Variants in VAPB observed in about 807,000 individuals in gnomAD.
The protein encoded by VAPB is VAMP associated protein B and C.
A neutral mutation model predicts 25.6 loss-of-function variants in VAPB; 7 were observed. That is an observed-to-expected ratio of 0.27 (90% CI 0.16 to 0.51). The LOEUF is 0.51. Among genes scored for constraint, VAPB ranks in the 20% least tolerant of loss-of-function variants. VAPB has a pLI of 0.97. For missense variants in VAPB, 266 were observed against 301.3 expected (o/e 0.88, Z 0.87); for synonymous variants, 112 against 109.2 (o/e 1.03, Z -0.16).
At chr20:58,402,190 C>G (rs563886091) in intron 1 of VAPB, among the ~76,000 whole-genome samples, 1 of 152,194 alleles carries the variant, frequency 6.6e-6, no homozygotes, top group African/African-American at 2.4e-5. Context: ...TGCACTCCCC[C>G]CACATTGCCC....
intron 4 of VAPB, chr20:58,439,321 G>A: frequency 2.5e-6 from 1 of 399,766 alleles, no homozygotes; most frequent in South Asian, 2.6e-5. Flanking sequence ...ATAGGTTGCT[G>A]TTAAACAGTG....
At chr20:58,436,546 C>T (rs1989050810) in intron 3 of VAPB, among the ~76,000 whole-genome samples, 1 of 152,004 alleles carries the variant, frequency 6.6e-6, no homozygotes, top group African/African-American at 2.4e-5. Context: ...AAGCTGGTCT[C>T]AAACTCCTGG....
At chr20:58,438,602 G>A (rs1324734166) in intron 3 of VAPB, among the ~76,000 whole-genome samples, 1 of 152,186 alleles carries the variant, frequency 6.6e-6, no homozygotes, top group African/African-American at 2.4e-5. Context: ...ATTTTCATAA[G>A]GAGAGCCAAG....
At position 58,444,438 on chromosome 20, in the gene VAPB, T is replaced by TTGAGGGGGAAAC. The variant is rs757786465; in HGVS notation, c.*203_*204insTGAGGGGGAAAC. The TTGAGGGGGAAAC allele has an allele frequency of 0.058, 43,236 of 749,422 alleles. 1,603 individuals carry two copies. The highest frequency in any genetic ancestry group is 0.074 in the Non-Finnish European group (32,157 of 432,962). The allele number at this position is 749,422 out of a possible 1,614,324, so 46.4% of individuals were successfully genotyped here. On this transcript the variant is annotated 3_prime_UTR_variant, in exon 6 of 6. Transcript: ENST00000475243. ...ACGATCTTTTAGAAAGTTAAAAATG[T>TTGAGGGGGAAAC]ATAGTAACTGATTGAGGGGGAAAAG...
intron 2 of VAPB, among the ~76,000 whole-genome samples, chr20:58,419,007 A>G (rs1030841857): frequency 6.6e-6 from 1 of 152,198 alleles, no homozygotes; most frequent in African/African-American, 2.4e-5. Flanking sequence ...TGGATTTCAG[A>G]ATTAAGGAGA....
intron 2 of VAPB, among the ~76,000 whole-genome samples, chr20:58,421,508 C>T (rs1988669062): frequency 6.6e-6 from 1 of 152,164 alleles, no homozygotes; most frequent in Admixed American, 6.5e-5. Context: ...CAGGTATAAT[C>T]TTTAAAAAGG....
chr20:58,448,021 T>C lies in VAPB; in HGVS notation c.*3786T>C. 2.2e-6 allele frequency: 1 copy of C among 454,030 alleles called. No homozygotes were observed. Among genetic ancestry groups the C allele is most frequent in the Non-Finnish European group, 4.4e-6 (1 of 226,780 alleles). The allele number at this position is 454,030 out of a possible 1,614,324, so 28.1% of individuals were successfully genotyped here. A position where few individuals can be genotyped will look rare whatever the true frequency, so the allele number is the denominator to read the frequency against. ...TCTCGTGGCTTTCCCTGCCCCCGGC[T>C]GTCTGGCCTGAAGAAGGAGAAAGAA... is the stretch of plus-strand genomic sequence containing the variant. On this transcript the variant is annotated 3_prime_UTR_variant, in exon 6 of 6. Transcript: ENST00000475243.
intron 2 of VAPB, 54 bp downstream of exon 2, chr20:58,418,417 T>G: frequency 1.3e-6 from 2 of 1,591,518 alleles, no homozygotes; most frequent in Non-Finnish European, 8.6e-7. Flanking sequence ...CCCTGGACAG[T>G]AGGTTTTCTT....
chr20:58,439,209 AC>A, intron 4 of VAPB, 184 bp downstream of exon 4: 1 of 611,542 alleles, frequency 1.6e-6, no homozygotes, highest in Non-Finnish European at 2.9e-6. Flanking sequence ...TGAAAAACTC[AC>A]GGAAAGACAA....
At position 58,448,535 on chromosome 20, in the gene VAPB, A is replaced by C; in HGVS notation, c.*4300A>C. ...AGGCTCCAGGAGGTTAAATCGGGCA[A>C]CTTTTTAGAACTAAATCAGTCTCTG... On this transcript the variant is annotated 3_prime_UTR_variant, in exon 6 of 6. Transcript: ENST00000475243. The C allele has an allele frequency of 2.2e-6, 1 of 454,074 alleles. No individual in the cohort carries two copies. The highest frequency in any genetic ancestry group is 4.4e-6 in the Non-Finnish European group (1 of 226,774). 28.1% of individuals were successfully genotyped at this position (454,074 alleles called of 1,614,324 possible). A position where few individuals can be genotyped will look rare whatever the true frequency, so the allele number is the denominator to read the frequency against.
At chr20:58,410,850 C>T (rs184565782) in intron 1 of VAPB, among the ~76,000 whole-genome samples, 3 of 152,284 alleles carry the variant, frequency 2.0e-5, no homozygotes, top group Middle Eastern at 3.4e-3. Flanking sequence ...AAGGCTCCTC[C>T]GTGTCTTTTC....
chr20:58,432,161 G>A (rs1988941418), intron 2 of VAPB, among the ~76,000 whole-genome samples: 1 of 152,138 alleles, frequency 6.6e-6, no homozygotes, highest in Non-Finnish European at 1.5e-5. Flanking sequence ...CTGCCTCTAG[G>A]AAGGTGATGA....
chr20:58,400,550 A>T (rs2123027320), intron 1 of VAPB, among the ~76,000 whole-genome samples: 1 of 152,098 alleles, frequency 6.6e-6, no homozygotes, highest in South Asian at 2.1e-4. Context: ...TTTATTCTTT[A>T]TGTGCTTCAT....
intron 2 of VAPB, among the ~76,000 whole-genome samples, chr20:58,424,344 C>T (rs1988738396): frequency 6.6e-6 from 1 of 151,964 alleles, no homozygotes; most frequent in African/African-American, 2.4e-5. Context: ...ACGTTGAAAG[C>T]GGCCCATGTG....
At chr20:58,442,351 C>A (rs554953753) in intron 5 of VAPB, among the ~76,000 whole-genome samples, 1 of 152,330 alleles carries the variant, frequency 6.6e-6, no homozygotes, top group Admixed American at 6.5e-5. Flanking sequence ...CCTGAAGCTT[C>A]TCGAGTGTAT....
chr20:58,393,376 G>A (rs944317695), intron 1 of VAPB, among the ~76,000 whole-genome samples: 1 of 150,250 alleles, frequency 6.7e-6, no homozygotes, highest in Non-Finnish European at 1.5e-5. Flanking sequence ...TTTTCACTAA[G>A]TCATAGGAGT....
At chr20:58,414,622 C>CG (rs1450883744) in intron 1 of VAPB, among the ~76,000 whole-genome samples, 2 of 149,994 alleles carry the variant, frequency 1.3e-5, no homozygotes, top group Non-Finnish European at 3.0e-5. Context: ...ACATCTCAGA[C>CG]GATGGGCGGC....
intron 2 of VAPB, among the ~76,000 whole-genome samples, chr20:58,433,961 C>T (rs1568716754): frequency 6.6e-6 from 1 of 152,104 alleles, no homozygotes; most frequent in Non-Finnish European, 1.5e-5. Context: ...TAGGAAGGCA[C>T]CTCCCTCCAT....
At chr20:58,409,904 T>TATACACAC (rs1555811895) in intron 1 of VAPB, among the ~76,000 whole-genome samples, 76 of 148,224 alleles carry the variant, frequency 5.1e-4, no homozygotes, top group Non-Finnish European at 8.4e-4. Flanking sequence ...TTTATTCATA[T>TATACACAC]ACACACACAC....
Sources: allele counts gnomAD v4.1 joint callset (sites outside exome capture counted in the v4.1 genomes callset), GRCh38; gene constraint gnomAD v4.1.1; transcripts MANE v1.5; gene names NCBI Gene and HGNC (gene_info 2026-07-23, HGNC 2026-07-21).